The following SHANK2 variants were observed in gnomAD, a reference collection of about 807,000 sequenced individuals.
SHANK2 encodes the protein SH3 and multiple ankyrin repeat domains 2.
In SHANK2, 43 loss-of-function variants were observed where a neutral mutation model predicts 133.7. The observed-to-expected ratio is 0.32, with a 90% CI of 0.25 to 0.41. SHANK2 has a LOEUF of 0.41. Ranked by LOEUF, SHANK2 falls within the 10% of genes least tolerant of loss-of-function variation. The probability of loss-of-function intolerance (pLI) is 1.00; values close to 1 mark genes in which losing one functional copy is unlikely to be tolerated. For missense variants in SHANK2, 1,994 were observed against 2,235.8 expected (o/e 0.89, Z 2.18); for synonymous variants, 1,017 against 952.8 (o/e 1.07, Z -1.24).
intron 17 of SHANK2, among the ~76,000 whole-genome samples, chr11:70,573,141 T>A (rs9888288): frequency 0.67 from 101,809 of 151,600 alleles, 35,459 homozygotes; most frequent in South Asian, 0.83. Context: ...AAAAAATAGC[T>A]TCAGTCGCGT....
chr11:71,227,134 TA>T (rs1202970387), intron 1 of SHANK2, among the ~76,000 whole-genome samples: 5 of 152,022 alleles, frequency 3.3e-5, no homozygotes, highest in Non-Finnish European at 5.9e-5. Context: ...AATGGAACCC[TA>T]AAAAATGTTT....
intron 14 of SHANK2, among the ~76,000 whole-genome samples, chr11:70,730,450 C>A (rs944507371): frequency 2.0e-5 from 3 of 152,170 alleles, no homozygotes; most frequent in Admixed American, 1.3e-4. Context: ...GCTGTGCACA[C>A]CCCTAACTGG....
At chr11:70,939,632 A>T (rs2135838237) in intron 10 of SHANK2, among the ~76,000 whole-genome samples, 1 of 152,240 alleles carries the variant, frequency 6.6e-6, no homozygotes, top group East Asian at 1.9e-4. Context: ...GGATTTGCTG[A>T]CCTGGGCCCT....
chr11:70,887,543 C>T (rs1949766495), intron 11 of SHANK2, among the ~76,000 whole-genome samples: 1 of 152,040 alleles, frequency 6.6e-6, no homozygotes, highest in Admixed American at 6.6e-5. Context: ...CCATTCATCA[C>T]CTCACAGTGT....
At chr11:70,580,787 T>G (rs1172277210) in intron 17 of SHANK2, among the ~76,000 whole-genome samples, 1 of 152,234 alleles carries the variant, frequency 6.6e-6, no homozygotes, top group Non-Finnish European at 1.5e-5. Flanking sequence ...CACATCTTCA[T>G]GCCACCCTGA....
At chr11:70,702,316 C>A (rs1230752579) in intron 14 of SHANK2, among the ~76,000 whole-genome samples, 4 of 150,234 alleles carry the variant, frequency 2.7e-5, no homozygotes, top group Non-Finnish European at 4.4e-5. Flanking sequence ...ATCACAATCA[C>A]CATCATCACC....
intron 17 of SHANK2, among the ~76,000 whole-genome samples, chr11:70,560,523 A>C: frequency 3.2e-5 from 1 of 31,222 alleles, no homozygotes; most frequent in East Asian, 7.1e-4. Context: ...AGAAAAGGAC[A>C]AGCTGATTGT....
chr11:70,662,131 C>T (rs985851099), intron 15 of SHANK2: 1 of 358,802 alleles, frequency 2.8e-6, no homozygotes, highest in South Asian at 3.0e-5. Flanking sequence ...CAGGGAAGCC[C>T]GGGAAAATCA....
At chr11:71,191,409 C>G (rs1248556217) in intron 2 of SHANK2, among the ~76,000 whole-genome samples, 1 of 152,058 alleles carries the variant, frequency 6.6e-6, no homozygotes, top group Non-Finnish European at 1.5e-5. Flanking sequence ...CCGCACAGGG[C>G]TGGGTCCTCC....
Position 70,486,968 on chromosome 11 carries a change from C to T in SHANK2, c.3325G>A (p.Asp1109Asn), listed in dbSNP as rs1312804628. 4 of 1,612,174 alleles carry T rather than the reference C, an allele frequency of 2.5e-6. No homozygotes were observed. The highest frequency in any genetic ancestry group is 1.1e-5 in the South Asian group (1 of 91,084). The change falls in exon 25 of 26, where the codon GAT (aspartate) becomes AAT (asparagine). Residue 1109 changes from aspartate to asparagine, a missense_variant. Around this residue, in one of 5 missense-constraint regions of SHANK2, gnomAD observed 488 missense variants for 642.6 expected, o/e 0.76. Coordinates refer to ENST00000601538, the MANE Select transcript of SHANK2 (RefSeq NM_012309.5). This position sits in a 1 kb window ranked among gnomAD's most constrained non-coding sequence, Gnocchi z 8.0. Reference protein sequence around the residue: ...SPAFLSTDLGDEDVGLGPPAP... With the variant: ...SPAFLSTDLGNEDVGLGPPAP... ...GGTGGCCCCAGGCCCACATCCTCAT[C>T]CCCCAGGTCTGTGGAGAGGAAGGCC... is the stretch of plus-strand genomic sequence containing the variant.
At chr11:71,233,501 T>G (rs545489598) in intron 1 of SHANK2, among the ~76,000 whole-genome samples, 1 of 152,110 alleles carries the variant, frequency 6.6e-6, no homozygotes, top group Non-Finnish European at 1.5e-5. Context: ...GCAATGCTGA[T>G]GGTTTTGGCG....
chr11:70,699,379 A>C (rs1206729528), intron 14 of SHANK2, among the ~76,000 whole-genome samples: 1 of 152,238 alleles, frequency 6.6e-6, no homozygotes, highest in East Asian at 1.9e-4. Context: ...GATTTAATGG[A>C]TAGCTCAGTG....
intron 3 of SHANK2, among the ~76,000 whole-genome samples, chr11:71,126,360 G>C (rs191971464): frequency 6.6e-6 from 1 of 151,856 alleles, no homozygotes; most frequent in Non-Finnish European, 1.5e-5. Flanking sequence ...GAGACCTAAT[G>C]CTCAGAAAAA....
chr11:71,085,870 T>A (rs1951393099), intron 8 of SHANK2, among the ~76,000 whole-genome samples: 5 of 144 alleles, frequency 0.035, 1 homozygote, highest in African/African-American at 0.071. Context: ...TTTAATATAT[T>A]ATATATTTAT....
At chr11:71,082,343 A>G (rs1165011084) in intron 8 of SHANK2, among the ~76,000 whole-genome samples, 5 of 152,294 alleles carry the variant, frequency 3.3e-5, no homozygotes, top group African/African-American at 1.2e-4. Flanking sequence ...GGCAATGGTC[A>G]TCTTGGGGCC....
intron 17 of SHANK2, chr11:70,604,498 T>A (rs541156028): frequency 7.2e-5 from 11 of 152,468 alleles, no homozygotes; most frequent in African/African-American, 2.4e-4. Flanking sequence ...CAGTGGGCAC[T>A]ATGATCACGC....
intron 15 of SHANK2, among the ~76,000 whole-genome samples, chr11:70,671,008 C>A (rs1246347671): frequency 6.6e-6 from 1 of 152,224 alleles, no homozygotes; most frequent in Non-Finnish European, 1.5e-5. Context: ...CCCTGCCCGG[C>A]GCTTATTATG....
In SHANK2 at chr11:70,601,066, T is replaced by TATCTAC. The variant is rs1182435902; in HGVS notation, c.2061+58761_2061+58762insGTAGAT. ...ATATCTATATCTATATCTATATCTA[T>TATCTAC]ATTTGAGATGGAGTCTTGCTCTGAT... On this transcript the variant is annotated intron_variant, in intron 17 of 25. Coordinates refer to ENST00000601538, the MANE Select transcript of SHANK2 (RefSeq NM_012309.5). 1.8e-3 allele frequency among the ~76,000 whole-genome samples: 258 copies of TATCTAC among 142,534 alleles called. 2 individuals are homozygous for TATCTAC. Among genetic ancestry groups the TATCTAC allele is most frequent in the African/African-American group, 5.5e-3 (214 of 38,890 alleles). The allele number at this position is 142,534 out of a possible 152,430, so 93.5% of individuals were successfully genotyped here.
At position 70,490,369 on chromosome 11, in the gene SHANK2, C is replaced by G; in HGVS notation, c.2458G>C (p.Gly820Arg). ...SDMNSVYERQ[G>R]IAVMTPTVPG... ...ACAGTGGGCGTCATCACGGCGATTC[C>G]TTGGCGTTCGTACACAGACTGCAAA... Residue 820 changes from glycine (G) to arginine (R), a missense_variant, in exon 23 of 26, where the codon GGA (glycine) becomes CGA (arginine). Coordinates refer to ENST00000601538, the MANE Select transcript of SHANK2 (RefSeq NM_012309.5). The G allele has an allele frequency of 1.2e-6, 2 of 1,614,202 alleles. No individual in the cohort carries two copies. Among genetic ancestry groups the G allele is most frequent in the Non-Finnish European group, 1.7e-6 (2 of 1,180,014 alleles).
Sources: gnomAD v4.1 joint callset for allele counts (sites outside exome capture counted in the v4.1 genomes callset) on GRCh38, gnomAD v4.1.1 for gene constraint, gnomAD v4.1.1 regional missense constraint, Gnocchi (gnomAD v3.1) non-coding constraint, MANE v1.5 for transcripts, NCBI Gene and HGNC (gene_info 2026-07-23, HGNC 2026-07-21) for gene names.